The following ACKR3 variants were observed in gnomAD, a reference collection of about 807,000 sequenced individuals.
The protein encoded by ACKR3 is C-X-C chemokine receptor type 7.
ACKR3 carries 6 observed loss-of-function variants against 22.4 expected under a neutral mutation model. The ratio of observed to expected loss-of-function variants is 0.27; its 90% confidence interval spans 0.15 to 0.53. The LOEUF is 0.53. ACKR3 is among the 20% of genes least tolerant of loss of function. The pLI is 0.96. For missense variants in ACKR3, 396 were observed against 475.2 expected (o/e 0.83, Z 1.55); for synonymous variants, 209 against 205.2 (o/e 1.02, Z -0.16).
At chr2:236,538,455 C>G in the ACKR3 span, among the ~76,000 whole-genome samples, 10 of 152,238 alleles carry the variant, frequency 6.6e-5, no homozygotes, top group Non-Finnish European at 5.9e-5. Context: ...GCTCACCACC[C>G]TGACCTTGGA....
Position 236,577,961 on chromosome 2 carries a change from C to G in ACKR3, c.-26-2479C>G, listed in dbSNP as rs575991506. Among the ~76,000 whole-genome samples, 25 of 152,296 alleles carry G rather than the reference C, an allele frequency of 1.6e-4. No homozygotes were observed. In the South Asian group the frequency reaches 2.1e-3, roughly 13 times the overall value. ...TCAAGCTCCTCTGCTCCCCGGGACT[C>G]TGGGGTCAGATGAGATCATGGGGGA... On this transcript the variant is annotated intron_variant, in intron 1 of 1. Coordinates refer to ENST00000272928, the MANE Select transcript of ACKR3 (RefSeq NM_020311.3). The surrounding 1 kb of genome is among the most constrained non-coding windows in gnomAD (Gnocchi z 5.6).
chr2:236,545,894 C>T, the ACKR3 span, among the ~76,000 whole-genome samples: 6 of 152,082 alleles, frequency 3.9e-5, no homozygotes, highest in Non-Finnish European at 8.8e-5. The surrounding 1 kb of genome is among the most constrained non-coding windows in gnomAD (Gnocchi z 5.3). Flanking sequence ...AAACATACGG[C>T]GTAATGAGAA....
At chr2:236,543,981 A>G in the ACKR3 span, among the ~76,000 whole-genome samples, 1 of 58,988 alleles carries the variant, frequency 1.7e-5, no homozygotes, top group Non-Finnish European at 2.8e-5. Context: ...ATATATATAT[A>G]TATATATATA....
intron 1 of ACKR3, among the ~76,000 whole-genome samples, chr2:236,571,659 C>G (rs978397438): frequency 6.7e-6 from 1 of 149,788 alleles, no homozygotes; most frequent in African/African-American, 2.5e-5. Context: ...ACAAAAAACC[C>G]TGCTTAATCA....
chr2:236,573,249 G>A (rs549567478), intron 1 of ACKR3, among the ~76,000 whole-genome samples: 23 of 152,338 alleles, frequency 1.5e-4, no homozygotes, highest in African/African-American at 5.5e-4. Flanking sequence ...TTCAGAGGTA[G>A]TGTGGATTCT....
chr2:236,568,334 G>C (rs1392342631), upstream of ACKR3, among the ~76,000 whole-genome samples: 1 of 152,236 alleles, frequency 6.6e-6, no homozygotes, highest in African/African-American at 2.4e-5. Context: ...CTCAGACACA[G>C]GGTCCCCCAC....
chr2:236,555,591 G>T, the ACKR3 span, among the ~76,000 whole-genome samples: 1 of 152,132 alleles, frequency 6.6e-6, no homozygotes, highest in Non-Finnish European at 1.5e-5. Flanking sequence ...CAGCTTGAGA[G>T]GATGCATCCA....
In ACKR3 at chr2:236,581,694, T is replaced by A; in HGVS notation, c.*140T>A. On this transcript the variant is annotated 3_prime_UTR_variant, in exon 2 of 2. Coordinates refer to ENST00000272928, the MANE Select transcript of ACKR3 (RefSeq NM_020311.3). This position sits in a 1 kb window ranked among gnomAD's most constrained non-coding sequence, Gnocchi z 4.4. Reference sequence around the variant, plus strand: ...AAGAGGGGAGCACGTGCCCCCTGCATCCATTCTCTCTTTCTCTTGATGACG... The same window carrying A: ...AAGAGGGGAGCACGTGCCCCCTGCAACCATTCTCTCTTTCTCTTGATGACG... 3 of 1,073,480 alleles carry A rather than the reference T, an allele frequency of 2.8e-6. No homozygotes were observed. The highest frequency in any genetic ancestry group is 4.0e-6 in the Non-Finnish European group (3 of 756,026). 66.5% of individuals were successfully genotyped at this position (1,073,480 alleles called of 1,614,324 possible). A position where few individuals can be genotyped will look rare whatever the true frequency, so the allele number is the denominator to read the frequency against.
chr2:236,550,499 G>A, the ACKR3 span, among the ~76,000 whole-genome samples: 1 of 152,218 alleles, frequency 6.6e-6, no homozygotes, highest in Non-Finnish European at 1.5e-5. This position sits in a 1 kb window ranked among gnomAD's most constrained non-coding sequence, Gnocchi z 4.6. Context: ...TCCAGCTTGT[G>A]AGATTACTCT....
At chr2:236,552,253 T>A in the ACKR3 span, among the ~76,000 whole-genome samples, 2 of 152,134 alleles carry the variant, frequency 1.3e-5, no homozygotes, top group Non-Finnish European at 2.9e-5. Context: ...GGCCAGGACT[T>A]CTCAATGTGT....
chr2:236,540,367 T>G, the ACKR3 span, among the ~76,000 whole-genome samples: 92 of 151,614 alleles, frequency 6.1e-4, no homozygotes, highest in Non-Finnish European at 1.3e-3. Context: ...TTTTTTTTTT[T>G]GTTAGGTTAT....
At chr2:236,553,113 C>T in the ACKR3 span, among the ~76,000 whole-genome samples, 121 of 152,280 alleles carry the variant, frequency 7.9e-4, no homozygotes, top group African/African-American at 2.8e-3. Context: ...TCCACCTTTG[C>T]GGAGGAGATC....
In ACKR3 at chr2:236,581,144, A is replaced by G. The variant is rs746780134; in HGVS notation, c.679A>G (p.Ile227Val). 3.7e-6 allele frequency: 6 copies of G among 1,613,976 alleles called. No individual in the cohort carries two copies. Among genetic ancestry groups the G allele is most frequent in the East Asian group, 2.2e-5 (1 of 44,864 alleles). Residue 227 changes from isoleucine to valine, a missense_variant, in exon 2 of 2, where the codon ATT becomes GTT. Ile to Val is a conservative substitution (Grantham distance 29, BLOSUM62 3). Transcript: ENST00000272928. This position sits in a 1 kb window ranked among gnomAD's most constrained non-coding sequence, Gnocchi z 4.4. ...VVLGFAVPFSIIAVFYFLLAR... is the reference protein window; with the variant it reads ...VVLGFAVPFSVIAVFYFLLAR... ...CTTGGGCTTTGCCGTTCCCTTCTCC[A>G]TTATCGCTGTCTTCTACTTCCTGCT...
intron 1 of ACKR3, among the ~76,000 whole-genome samples, chr2:236,573,450 T>C (rs992582688): frequency 3.9e-5 from 6 of 152,220 alleles, no homozygotes; most frequent in African/African-American, 1.4e-4. Context: ...TCACCCGGCC[T>C]GGCCTCAGTT....
chr2:236,552,969 C>T, the ACKR3 span, among the ~76,000 whole-genome samples: 4 of 152,204 alleles, frequency 2.6e-5, no homozygotes, highest in Non-Finnish European at 5.9e-5. Context: ...TTTCTCTTCC[C>T]GTTCTTATTT....
intron 1 of ACKR3, among the ~76,000 whole-genome samples, chr2:236,570,403 G>A (rs898033058): frequency 6.6e-6 from 1 of 152,188 alleles, no homozygotes; most frequent in Non-Finnish European, 1.5e-5. Context: ...ACTTTATTAA[G>A]AGGCATCCTT....
At chr2:236,566,048 T>C (rs1362884607), upstream of ACKR3, among the ~76,000 whole-genome samples, 2 of 152,148 alleles carry the variant, frequency 1.3e-5, no homozygotes, top group Non-Finnish European at 2.9e-5. Context: ...CTGTCTCCAC[T>C]CTAACGGGGC....
rs779188139 is a variant in ACKR3, at chr2:236,577,321, T to C, written c.-26-3119T>C. Among the ~76,000 whole-genome samples, 10 of 152,150 alleles carry C rather than the reference T, an allele frequency of 6.6e-5. No homozygotes were observed. Among genetic ancestry groups the C allele is most frequent in the Non-Finnish European group, 1.5e-4 (10 of 68,024 alleles). On this transcript the variant is annotated intron_variant, in intron 1 of 1. Coordinates refer to ENST00000272928, the MANE Select transcript of ACKR3 (RefSeq NM_020311.3). The surrounding 1 kb of genome is among the most constrained non-coding windows in gnomAD (Gnocchi z 5.6). ...GGACGGCTGAGCGGGGAAGTGCCTA[T>C]CTCAGAAATACTGTTTTTGACTCAG...
At chr2:236,559,342 C>T in the ACKR3 span, among the ~76,000 whole-genome samples, 2 of 152,176 alleles carry the variant, frequency 1.3e-5, no homozygotes, top group African/African-American at 4.8e-5. Flanking sequence ...CCAATAAGGT[C>T]TAACAATTGT....
Sources: gnomAD v4.1 joint callset for allele counts (sites outside exome capture counted in the v4.1 genomes callset) on GRCh38, gnomAD v4.1.1 for gene constraint, Gnocchi (gnomAD v3.1) non-coding constraint, MANE v1.5 for transcripts, NCBI Gene and HGNC (gene_info 2026-07-23, HGNC 2026-07-21) for gene names.